RIMS1: variants seen among roughly 807,000 people sequenced by gnomAD.
The protein encoded by RIMS1 is regulating synaptic membrane exocytosis protein 1.
In RIMS1, 83 loss-of-function variants were observed where a neutral mutation model predicts 214.1. The observed-to-expected ratio is 0.39, with a 90% CI of 0.32 to 0.47. The LOEUF is 0.47. RIMS1 is among the 20% of genes least tolerant of loss of function. The pLI, the probability that RIMS1 is intolerant of heterozygous loss-of-function variation, is 0.99. For missense variants in RIMS1, 2,050 were observed against 2,161.8 expected, an observed-to-expected ratio of 0.95 and a Z score of 1.03; for synonymous variants, 793 against 786.8, an observed-to-expected ratio of 1.01 and a Z score of -0.13.
chr6:72,391,411 G>T, intron 30 of RIMS1, among the ~76,000 whole-genome samples: 2 of 140,818 alleles, frequency 1.4e-5, no homozygotes, highest in South Asian at 2.2e-4. Flanking sequence ...TTCTTCCTAT[G>T]CTTGAGAATA....
intron 4 of RIMS1, among the ~76,000 whole-genome samples, chr6:72,158,822 A>G (rs6453575): frequency 0.97 from 135,225 of 138,782 alleles, 66,173 homozygotes; most frequent in East Asian, 1. Flanking sequence ...TGGACATTGG[A>G]TTGGTTCCAG....
intron 2 of RIMS1, among the ~76,000 whole-genome samples, chr6:72,091,500 A>G (rs1226172718): frequency 6.6e-6 from 1 of 152,200 alleles, no homozygotes; most frequent in Non-Finnish European, 1.5e-5. Flanking sequence ...TAAATTATTT[A>G]TTTTGCATTC....
Position 72,233,762 on chromosome 6 carries a change from G to C in RIMS1, c.1679-11G>C. The C allele has an allele frequency of 6.4e-7, 1 of 1,554,018 alleles. No homozygotes were observed. The highest frequency in any genetic ancestry group is 8.7e-7 in the Non-Finnish European group (1 of 1,143,804). On this transcript the variant is annotated splice_polypyrimidine_tract_variant and intron_variant, in intron 6 of 33. Transcript: ENST00000521978. The stretch of plus-strand genomic sequence containing the variant: ...TACCATTACACTTTTCATTCTTTTT[G>C]TATTGCACAGGTGATTTGGATTATT...
chr6:72,073,837 A>G (rs780644407), intron 2 of RIMS1, among the ~76,000 whole-genome samples: 30 of 152,188 alleles, frequency 2.0e-4, no homozygotes, highest in Non-Finnish European at 2.8e-4. Context: ...ATATCACTAT[A>G]GCTAGGTCAT....
At chr6:71,935,684 T>C (rs1192628551) in intron 1 of RIMS1, among the ~76,000 whole-genome samples, 1 of 152,164 alleles carries the variant, frequency 6.6e-6, no homozygotes, top group African/African-American at 2.4e-5. Flanking sequence ...CCTGATATGC[T>C]CTTAAAAATA....
intron 2 of RIMS1, among the ~76,000 whole-genome samples, chr6:72,040,951 T>C (rs1307880764): frequency 6.6e-6 from 1 of 151,946 alleles, no homozygotes; most frequent in Non-Finnish European, 1.5e-5. Flanking sequence ...CTATTTGTTA[T>C]CTGGCGATCG....
intron 6 of RIMS1, 92 bp downstream of exon 6, chr6:72,183,241 A>C (rs2048599234): frequency 3.8e-6 from 5 of 1,317,188 alleles, no homozygotes; most frequent in Admixed American, 4.1e-5. Context: ...TGGGTTCAGC[A>C]TTGAGGCTGG....
At chr6:72,066,531 T>C (rs1302586398) in intron 2 of RIMS1, among the ~76,000 whole-genome samples, 1 of 152,176 alleles carries the variant, frequency 6.6e-6, no homozygotes, top group East Asian at 1.9e-4. Context: ...ACTGGATCCT[T>C]TTCTTCTTTT....
chr6:71,898,203 A>C (rs547815915), intron 1 of RIMS1, among the ~76,000 whole-genome samples: 2 of 152,276 alleles, frequency 1.3e-5, no homozygotes, highest in African/African-American at 4.8e-5. Context: ...TGCTTAATGG[A>C]AACATTTTCT....
At position 71,921,740 on chromosome 6, in the gene RIMS1, AGT is replaced by A. The variant is rs1487881629; in HGVS notation, c.164+34556_164+34557del. On this transcript the variant is annotated intron_variant, in intron 1 of 33. Transcript: ENST00000521978. ...CATACTTCCTCTAGTGGGAACCATA[AGT>A]GTAAAAAAAAGTAGTCATTTAATAC... 3.9e-5 allele frequency among the ~76,000 whole-genome samples: 6 copies of A among 152,342 alleles called. No homozygotes were observed. The East Asian group carries it at 1.2e-3, about 29-fold the overall frequency.
chr6:72,269,596 T>C (rs1422876583), intron 22 of RIMS1, among the ~76,000 whole-genome samples: 1 of 152,106 alleles, frequency 6.6e-6, no homozygotes, highest in African/African-American at 2.4e-5. Flanking sequence ...TTTTCTCTCA[T>C]TTTATGGTTT....
chr6:72,249,046 C>T (rs2071714592), intron 12 of RIMS1, among the ~76,000 whole-genome samples: 2 of 152,100 alleles, frequency 1.3e-5, no homozygotes, highest in South Asian at 4.1e-4. Flanking sequence ...AATTGGGAAT[C>T]AGAGAAATGG....
At chr6:72,399,607 G>C (rs1266570753) in intron 33 of RIMS1, among the ~76,000 whole-genome samples, 1 of 152,024 alleles carries the variant, frequency 6.6e-6, no homozygotes, top group Non-Finnish European at 1.5e-5. Flanking sequence ...GCATTTCTAG[G>C]TGCTTATATA....
At chr6:72,323,535 G>T (rs2096280555) in intron 28 of RIMS1, among the ~76,000 whole-genome samples, 1 of 151,864 alleles carries the variant, frequency 6.6e-6, no homozygotes, top group Admixed American at 6.6e-5. Flanking sequence ...GAAAGTATAG[G>T]AGTTGATGTA....
intron 1 of RIMS1, among the ~76,000 whole-genome samples, chr6:71,905,631 TA>T (rs954325927): frequency 1.3e-5 from 2 of 151,974 alleles, no homozygotes; most frequent in African/African-American, 2.4e-5. Context: ...TTCCTTGATT[TA>T]AAAAAAATTA....
intron 29 of RIMS1, among the ~76,000 whole-genome samples, chr6:72,338,566 C>G (rs1263478725): frequency 6.6e-6 from 1 of 151,972 alleles, no homozygotes; most frequent in East Asian, 1.9e-4. Context: ...TTGCCACCTA[C>G]TCATCTGACA....
chr6:72,187,481 T>TTTG (rs1373301769), intron 6 of RIMS1, among the ~76,000 whole-genome samples: 2 of 145,020 alleles, frequency 1.4e-5, no homozygotes, highest in African/African-American at 5.1e-5. Flanking sequence ...TCCTTTTTGT[T>TTTG]TTTTTTTTTT....
chr6:72,111,450 C>G (rs544327660), intron 4 of RIMS1, among the ~76,000 whole-genome samples: 1 of 152,156 alleles, frequency 6.6e-6, no homozygotes, highest in Non-Finnish European at 1.5e-5. Flanking sequence ...TTCTCATAAC[C>G]CCTTAAGAAT....
chr6:71,893,470 A>G (rs1770615146), intron 1 of RIMS1, among the ~76,000 whole-genome samples: 1 of 152,206 alleles, frequency 6.6e-6, no homozygotes, highest in Non-Finnish European at 1.5e-5. Context: ...CATCTTTTAC[A>G]GAAAAAAATT....
Sources: gnomAD v4.1 joint callset for allele counts (sites outside exome capture counted in the v4.1 genomes callset) on GRCh38, gnomAD v4.1.1 for gene constraint, MANE v1.5 for transcripts, NCBI Gene and HGNC (gene_info 2026-07-23, HGNC 2026-07-21) for gene names.